NUMB: variants seen among roughly 807,000 people sequenced by gnomAD.
The protein encoded by NUMB is protein numb homolog.
A neutral mutation model predicts 59.7 loss-of-function variants in NUMB; 29 were observed. That is an observed-to-expected ratio of 0.49 (90% CI 0.36 to 0.66). NUMB has a LOEUF of 0.66. NUMB is among the 30% of genes least tolerant of loss of function. NUMB has a pLI of 0.00. For missense variants in NUMB, 723 were observed against 822.0 expected (o/e 0.88, Z 1.47); for synonymous variants, 288 against 288.2 (o/e 1.00, Z 0.01).
intron 5 of NUMB, chr14:73,322,915 T>A: frequency 2.7e-6 from 1 of 368,654 alleles, no homozygotes. Flanking sequence ...GGTCTCAAAC[T>A]CCTGGCCTCA....
Position 73,287,208 on chromosome 14 carries a change from C to G in NUMB, c.557G>C (p.Arg186Pro). Reference sequence around the variant, plus strand: ...TGATCCTTCTCTTGTAAAAGTGGTCCGACTAGCATCAAAAGTAGCAGTCAC... The same window carrying G: ...TGATCCTTCTCTTGTAAAAGTGGTCGGACTAGCATCAAAAGTAGCAGTCAC... ...CGVTATFDAS[R>P]TTFTREGSFR... The change falls in exon 9 of 13, where the codon CGG (arginine) becomes CCG (proline). Residue 186 changes from arginine (R) to proline (P), a missense_variant. Transcript: ENST00000555238. The G allele has an allele frequency of 1.2e-6, 2 of 1,613,638 alleles. No individual in the cohort carries two copies. The highest frequency in any genetic ancestry group is 1.7e-6 in the Non-Finnish European group (2 of 1,179,958).
intron 6 of NUMB, among the ~76,000 whole-genome samples, chr14:73,299,623 A>ATATATG (rs1236571176): frequency 1.3e-5 from 2 of 151,142 alleles, no homozygotes; most frequent in Non-Finnish European, 2.9e-5. Context: ...TATGTCATAT[A>ATATATG]ATATGACATA....
In NUMB at chr14:73,292,807, G is replaced by C; in HGVS notation, c.377C>G (p.Ala126Gly). ...GCCATCACGGCATATGTAAGAAAAGGCTCTATCAAAGTTCCTGTCTGGGGC... is the reference window on the plus strand; with the variant it reads ...GCCATCACGGCATATGTAAGAAAAGCCTCTATCAAAGTTCCTGTCTGGGGC... ...FCAPDRNFDR[A>G]FSYICRDGTT... Residue 126 changes from alanine (A) to glycine (G), a missense_variant, in exon 8 of 13, where the codon GCC (alanine) becomes GGC (glycine). This residue lies in a region of NUMB where 317 missense variants were observed against 436.6 expected (regional missense o/e 0.73). Transcript: ENST00000555238. The C allele has an allele frequency of 6.2e-7, 1 of 1,614,150 alleles. No homozygotes were observed. The highest frequency in any genetic ancestry group is 8.5e-7 in the Non-Finnish European group (1 of 1,180,016).
chr14:73,446,615 A>G (rs2140199700), intron 1 of NUMB, among the ~76,000 whole-genome samples: 1 of 152,004 alleles, frequency 6.6e-6, no homozygotes, highest in Middle Eastern at 3.4e-3. Flanking sequence ...AAAAAAAAAA[A>G]AAAAAATCCT....
chr14:73,437,804 G>A (rs1476236612), intron 1 of NUMB, among the ~76,000 whole-genome samples: 1 of 152,150 alleles, frequency 6.6e-6, no homozygotes, highest in East Asian at 1.9e-4. Flanking sequence ...CAGATCATTT[G>A]TACAGATTAA....
intron 1 of NUMB, among the ~76,000 whole-genome samples, chr14:73,430,838 GGA>G (rs1897795687): frequency 6.6e-6 from 1 of 151,848 alleles, no homozygotes; most frequent in East Asian, 1.9e-4. Flanking sequence ...CCAGCTACTG[GGA>G]AGGCTGAGGC....
chr14:73,416,287 A>G (rs1057308821), intron 1 of NUMB, among the ~76,000 whole-genome samples: 2 of 151,276 alleles, frequency 1.3e-5, no homozygotes, highest in East Asian at 1.9e-4. Context: ...GGAAAAAATT[A>G]TGTTAGTTGG....
In NUMB at chr14:73,352,530, G is replaced by GGGTTT. The variant is rs1555373807; in HGVS notation, c.126+3095_126+3096insAAACC. On this transcript the variant is annotated intron_variant, in intron 4 of 12. Transcript: ENST00000555238. The stretch of plus-strand genomic sequence containing the variant: ...TATATATATATATATATATATATAT[G>GGGTTT]TTTTTTTTTTTTTTTTTTTTTTGAG... Among the ~76,000 whole-genome samples the GGGTTT allele has an allele frequency of 9.9e-5, 2 of 20,274 alleles. 1 individual carries two copies. The highest frequency in any genetic ancestry group is 3.9e-3 in the East Asian group (2 of 508). The allele number at this position is 20,274 out of a possible 152,430, so 13.3% of individuals were successfully genotyped here.
intron 1 of NUMB, among the ~76,000 whole-genome samples, chr14:73,450,981 G>A (rs138720207): frequency 0.02 from 3,101 of 151,498 alleles, 105 homozygotes; most frequent in African/African-American, 0.071. Flanking sequence ...GTGAAATCCC[G>A]TCTCTACTAA....
chr14:73,435,200 T>C lies in NUMB; in HGVS notation c.-233+23293A>G, dbSNP rs75310736. 3.4e-4 allele frequency among the ~76,000 whole-genome samples: 52 copies of C among 151,610 alleles called. No homozygotes were observed. The East Asian group carries it at 0.01, about 29-fold the overall frequency. On this transcript the variant is annotated intron_variant, in intron 1 of 12. Coordinates refer to ENST00000555238, the MANE Select transcript of NUMB (RefSeq NM_001005743.2). Reference sequence around the variant, plus strand: ...CAAGGATGTGGAGCAACTGAACTTATAAACTGCTGATGAAGTATTAAAACG... The same window carrying C: ...CAAGGATGTGGAGCAACTGAACTTACAAACTGCTGATGAAGTATTAAAACG...
chr14:73,293,715 A>G (rs1021740400), intron 7 of NUMB, among the ~76,000 whole-genome samples: 2 of 152,098 alleles, frequency 1.3e-5, no homozygotes, highest in Non-Finnish European at 2.9e-5. Flanking sequence ...CATAGTTTCT[A>G]TTCTCTGCCA....
At chr14:73,331,806 G>A (rs2139949417) in intron 4 of NUMB, among the ~76,000 whole-genome samples, 1 of 152,204 alleles carries the variant, frequency 6.6e-6, no homozygotes, top group East Asian at 1.9e-4. Context: ...GTGAAGAGGT[G>A]CCTTCTGCCA....
intron 2 of NUMB, among the ~76,000 whole-genome samples, chr14:73,368,866 A>G (rs929353819): frequency 6.6e-6 from 1 of 152,180 alleles, no homozygotes; most frequent in African/African-American, 2.4e-5. Context: ...AAAAGACTTC[A>G]TGGAAACTGC....
Position 73,292,790 on chromosome 14 carries a change from G to A in NUMB, c.394C>T (p.Arg132Cys), listed in dbSNP as rs753009413. ...NFDRAFSYIC[R>C]DGTTRRWICH... is the part of the protein sequence containing the mutation. ...ATCCAGCGACGAGTGGTGCCATCAC[G>A]GCATATGTAAGAAAAGGCTCTATCA... Residue 132 changes from arginine to cysteine, a missense_variant, in exon 8 of 13, where the codon CGT (arginine) becomes TGT (cysteine). Around this residue, in one of 2 missense-constraint regions of NUMB, gnomAD observed 317 missense variants for 436.6 expected, o/e 0.73. Transcript: ENST00000555238. 8 of 1,614,144 alleles carry A rather than the reference G, an allele frequency of 5.0e-6. No homozygotes were observed. The highest frequency in any genetic ancestry group is 6.8e-6 in the Non-Finnish European group (8 of 1,180,018).
At chr14:73,382,292 G>T (rs765352867) in intron 2 of NUMB, among the ~76,000 whole-genome samples, 2 of 152,018 alleles carry the variant, frequency 1.3e-5, no homozygotes, top group Non-Finnish European at 2.9e-5. Flanking sequence ...GATTACAGGC[G>T]CATGCCATCA....
intron 6 of NUMB, among the ~76,000 whole-genome samples, chr14:73,313,236 C>T (rs893233932): frequency 1.3e-5 from 2 of 151,974 alleles, no homozygotes; most frequent in Non-Finnish European, 2.9e-5. Flanking sequence ...GCAATCCACC[C>T]GCCCTTGGCC....
At chr14:73,430,561 G>T (rs1225704852) in intron 1 of NUMB, among the ~76,000 whole-genome samples, 1 of 152,078 alleles carries the variant, frequency 6.6e-6, no homozygotes, top group African/African-American at 2.4e-5. Flanking sequence ...TTGAGCCTAG[G>T]GGGTCGAGGC....
At chr14:73,361,086 T>C (rs1269125359) in intron 3 of NUMB, among the ~76,000 whole-genome samples, 2 of 152,110 alleles carry the variant, frequency 1.3e-5, no homozygotes, top group Admixed American at 1.3e-4. Flanking sequence ...GATGGGGTTT[T>C]GCCATGTTAC....
At chr14:73,353,072 G>GTTTTTCTTTTTTCTT (rs71450219) in intron 4 of NUMB, among the ~76,000 whole-genome samples, 1 of 58,514 alleles carries the variant, frequency 1.7e-5, no homozygotes, top group East Asian at 6.3e-4. Flanking sequence ...AGTTTTTCTT[G>GTTTTTCTTTTTTCTT]TTTTTTTTTT....
Sources: allele counts gnomAD v4.1 joint callset (sites outside exome capture counted in the v4.1 genomes callset), GRCh38; gene constraint gnomAD v4.1.1; regional missense constraint gnomAD v4.1.1; transcripts MANE v1.5; gene names NCBI Gene and HGNC (gene_info 2026-07-23, HGNC 2026-07-21).